Variants in PTRH1 observed in about 807,000 individuals in gnomAD.
The protein encoded by PTRH1 is peptidyl-tRNA hydrolase 1 homolog.
Under a neutral mutation model 15.7 loss-of-function variants are expected in PTRH1, and 13 were observed. The ratio of observed to expected loss-of-function variants is 0.83; its 90% CI spans 0.54 to 1.31. PTRH1 has a LOEUF of 1.31. Ranked by LOEUF, PTRH1 falls within the 40% of genes most tolerant of loss-of-function variation. The pLI is 0.00. For missense variants in PTRH1, 319 were observed against 296.2 expected, an observed-to-expected ratio of 1.08 and a Z score of -0.56; for synonymous variants, 139 against 136.7, an observed-to-expected ratio of 1.02 and a Z score of -0.12.
downstream of PTRH1, chr9:127,711,459 A>C: frequency 3.1e-6 from 5 of 1,613,990 alleles, no homozygotes; most frequent in Non-Finnish European, 3.4e-6. Context: ...GAGAACACCC[A>C]GAAGGTCATG....
In PTRH1 at chr9:127,714,702, G is replaced by A. The variant is rs1588401663; in HGVS notation, c.317C>T (p.Ala106Val). ...CTCGGCAGTCAGCCCAAACAGCTCC[G>A]CTTAGCACAGGGAAACGGCAGCCCT... ...NANGRSVARA[A>V]ELFGLTAEEV... is the part of the protein sequence containing the mutation. The change falls in exon 3 of 5, where the codon GCG (alanine) becomes GTG (valine). Residue 106 changes from alanine to valine, a missense_variant and splice_region_variant. Physicochemically the swap from Ala to Val is moderately conservative, Grantham distance 64. Coordinates refer to ENST00000543175, the MANE Select transcript of PTRH1 (RefSeq NM_001002913.3). 6.2e-7 allele frequency: 1 copy of A among 1,609,740 alleles called. No homozygotes were observed. The highest frequency in any genetic ancestry group is 8.5e-7 in the Non-Finnish European group (1 of 1,177,944).
downstream of PTRH1, chr9:127,710,884 GC>G: frequency 9.6e-7 from 1 of 1,047,076 alleles, no homozygotes; most frequent in Non-Finnish European, 1.4e-6. Flanking sequence ...CCGACAACCT[GC>G]TACTCCTTGG....
intron 1 of PTRH1, among the ~76,000 whole-genome samples, chr9:127,703,754 T>A (rs1021218179): frequency 1.3e-5 from 2 of 152,196 alleles, no homozygotes; most frequent in Non-Finnish European, 2.9e-5. Context: ...CCACTGGTAT[T>A]CTCAGCTGGT....
intron 1 of PTRH1, chr9:127,707,001 C>T: frequency 2.5e-6 from 4 of 1,610,740 alleles, no homozygotes; most frequent in Non-Finnish European, 3.4e-6. Context: ...TGGCCTCTTC[C>T]TGGGGCCTGG....
chr9:127,710,808 C>T (rs1324959324), downstream of PTRH1: 16 of 1,539,136 alleles, frequency 1.0e-5, no homozygotes, highest in South Asian at 2.4e-5. Context: ...CCTGGGGCTA[C>T]GAACATCCTA....
chr9:127,710,498 C>A, downstream of PTRH1: 1 of 1,377,768 alleles, frequency 7.3e-7, no homozygotes, highest in Non-Finnish European at 9.8e-7. Context: ...CCACACAGGG[C>A]GCACAGGAAG....
intron 1 of PTRH1, among the ~76,000 whole-genome samples, chr9:127,700,089 T>TTAA (rs2131577150): frequency 6.6e-6 from 1 of 152,046 alleles, no homozygotes; most frequent in South Asian, 2.1e-4. Flanking sequence ...CTCAAAAAAA[T>TTAA]AATAAAGTCA....
At chr9:127,698,218 G>A (rs974282146) in intron 1 of PTRH1, among the ~76,000 whole-genome samples, 7 of 152,136 alleles carry the variant, frequency 4.6e-5, no homozygotes, top group Non-Finnish European at 1.0e-4. Context: ...AACACAGCAA[G>A]ACCCCGAATC....
At chr9:127,694,767 T>C (rs1330938084) in intron 2 of PTRH1, among the ~76,000 whole-genome samples, 2 of 152,014 alleles carry the variant, frequency 1.3e-5, no homozygotes, top group Non-Finnish European at 2.9e-5. Context: ...AATGGCTCAG[T>C]TGGTGTTGCA....
intron 2 of PTRH1, among the ~76,000 whole-genome samples, chr9:127,694,367 G>A (rs751254994): frequency 6.6e-6 from 1 of 152,082 alleles, no homozygotes; most frequent in Non-Finnish European, 1.5e-5. Context: ...GCTGCTTCCC[G>A]GGATCATCTG....
At chr9:127,709,757 T>C (rs1222696156), downstream of PTRH1, 2 of 1,537,828 alleles carry the variant, frequency 1.3e-6, no homozygotes, top group African/African-American at 2.7e-5. The surrounding 1 kb of genome is among the most constrained non-coding windows in gnomAD (Gnocchi z 4.7). Context: ...TGACCCTGTT[T>C]CTCACCTGGG....
chr9:127,710,782 C>T, downstream of PTRH1: 2 of 1,551,996 alleles, frequency 1.3e-6, no homozygotes, highest in Non-Finnish European at 1.7e-6. Flanking sequence ...CCTTTGGGGC[C>T]TTTGGAGGCT....
intron 1 of PTRH1, chr9:127,706,941 A>T: frequency 6.8e-7 from 1 of 1,480,532 alleles, no homozygotes; most frequent in Non-Finnish European, 9.1e-7. Context: ...GCCCAGCCTC[A>T]CTCCCTCGGC....
At chr9:127,714,332 AC>A in intron 4 of PTRH1, 46 bp downstream of exon 4, 2 of 1,613,938 alleles carry the variant, frequency 1.2e-6, no homozygotes, top group East Asian at 2.2e-5. Flanking sequence ...GTGCTGGGGG[AC>A]CCCTGGCCCA....
chr9:127,712,376 G>T (rs1287556173), downstream of PTRH1: 4 of 1,611,676 alleles, frequency 2.5e-6, no homozygotes, highest in Middle Eastern at 1.7e-4. Flanking sequence ...GAGGGAGGGC[G>T]CAAGGGGAGG....
At chr9:127,708,256 A>T (rs1842690263) in intron 1 of PTRH1, among the ~76,000 whole-genome samples, 1 of 152,206 alleles carries the variant, frequency 6.6e-6, no homozygotes, top group African/African-American at 2.4e-5. Flanking sequence ...AGGTGGGCAG[A>T]TCATGAGGTC....
chr9:127,711,026 G>A (rs1325976309), downstream of PTRH1, among the ~76,000 whole-genome samples: 1 of 152,196 alleles, frequency 6.6e-6, no homozygotes, highest in East Asian at 1.9e-4. Flanking sequence ...TTACTTAACA[G>A]GTGGGAGTAC....
intron 1 of PTRH1, among the ~76,000 whole-genome samples, chr9:127,708,632 T>C (rs182014223): frequency 7.2e-5 from 11 of 152,338 alleles, no homozygotes; most frequent in Admixed American, 5.2e-4. Flanking sequence ...AGGTAGAATA[T>C]ATTCAAGGCA....
chr9:127,703,615 G>T (rs1212897946), intron 1 of PTRH1, among the ~76,000 whole-genome samples: 1 of 152,212 alleles, frequency 6.6e-6, no homozygotes, highest in Non-Finnish European at 1.5e-5. Flanking sequence ...AGTGACAGAG[G>T]TGTTTGTCCT....
Sources: allele counts gnomAD v4.1 joint callset (sites outside exome capture counted in the v4.1 genomes callset), GRCh38; gene constraint gnomAD v4.1.1; non-coding constraint Gnocchi (gnomAD v3.1); transcripts MANE v1.5; gene names NCBI Gene and HGNC (gene_info 2026-07-23, HGNC 2026-07-21).